The following CNTN6 variants were observed in gnomAD, a reference collection of about 807,000 sequenced individuals.
CNTN6 encodes the protein contactin 6, also known as contactin-6.
In CNTN6, 137 loss-of-function variants were observed where a neutral mutation model predicts 122.8. The observed-to-expected ratio is 1.12, with a 90% CI of 0.97 to 1.29. CNTN6 has a LOEUF of 1.29. Among genes scored for constraint, CNTN6 ranks in the 50% most tolerant of loss-of-function variants. The pLI is 0.00. For missense variants in CNTN6, 1,634 were observed against 1,223.4 expected, an observed-to-expected ratio of 1.34 and a Z score of -5.01; for synonymous variants, 570 against 426.0, an observed-to-expected ratio of 1.34 and a Z score of -4.16.
chr3:1,293,342 G>A (rs1189900937), intron 5 of CNTN6, among the ~76,000 whole-genome samples: 6 of 151,138 alleles, frequency 4.0e-5, no homozygotes, highest in Admixed American at 1.3e-4. Context: ...CTCGATGGAA[G>A]GGATGACAAA....
rs370787423 is a variant in CNTN6 at position 1,185,567 on chromosome 3, A to G, written c.56-35120A>G. Among the ~76,000 whole-genome samples the G allele has an allele frequency of 1.1e-4, 16 of 152,296 alleles. No homozygotes were observed. In the East Asian group the frequency reaches 2.5e-3, roughly 24 times the overall value. ...ATGTGCTAATCTATGTGACCTTGGC[A>G]TGTAGTCAGCATCTGTTAATAGATT... On this transcript the variant is annotated intron_variant, in intron 2 of 22. Transcript: ENST00000446702.
intron 2 of CNTN6, among the ~76,000 whole-genome samples, chr3:1,178,934 C>G (rs1030511439): frequency 1.3e-5 from 2 of 152,106 alleles, no homozygotes; most frequent in Non-Finnish European, 2.9e-5. Flanking sequence ...GCATTGCATT[C>G]CTATGTAAAA....
chr3:1,307,077 A>T (rs938763568), intron 7 of CNTN6, among the ~76,000 whole-genome samples: 18 of 152,130 alleles, frequency 1.2e-4, no homozygotes, highest in Admixed American at 1.3e-4. Flanking sequence ...GCCCTGGGAG[A>T]TAAAGAAGAT....
At chr3:1,297,537 T>C (rs1002202821) in intron 6 of CNTN6, among the ~76,000 whole-genome samples, 1 of 152,178 alleles carries the variant, frequency 6.6e-6, no homozygotes, top group African/African-American at 2.4e-5. Flanking sequence ...GTGATGCCTT[T>C]ATATGTTCTG....
intron 1 of CNTN6, among the ~76,000 whole-genome samples, chr3:1,124,554 G>C (rs2092087064): frequency 6.6e-6 from 1 of 151,774 alleles, no homozygotes; most frequent in African/African-American, 2.4e-5. Context: ...GATTGGGAGG[G>C]ACCTGAGAGA....
chr3:1,240,442 T>C (rs954790561), intron 4 of CNTN6, among the ~76,000 whole-genome samples: 2 of 152,072 alleles, frequency 1.3e-5, no homozygotes, highest in African/African-American at 4.8e-5. Flanking sequence ...TTGCCAATTA[T>C]CAGAAAAATG....
chr3:1,140,212 T>G (rs966347572), intron 1 of CNTN6, among the ~76,000 whole-genome samples: 2 of 152,200 alleles, frequency 1.3e-5, no homozygotes, highest in Non-Finnish European at 2.9e-5. Context: ...CTCATCCACA[T>G]TCTTGTATTC....
Position 1,227,877 on chromosome 3 carries a change from G to A in CNTN6, c.242G>A (p.Gly81Glu). 2 of 1,614,016 alleles carry A rather than the reference G, an allele frequency of 1.2e-6. No homozygotes were observed. The highest frequency in any genetic ancestry group is 2.2e-5 in the East Asian group (1 of 44,866). Reference sequence around the variant, plus strand: ...ATGAGTTATCACTACAGGTTGGATGGAGGCAGTCTTGCAATCAATAGCCCC... The same window carrying A: ...ATGAGTTATCACTACAGGTTGGATGAAGGCAGTCTTGCAATCAATAGCCCC... ...FTMSYHYRLD[G>E]GSLAINSPHT... The change falls in exon 4 of 23, where the codon GGA becomes GAA. Residue 81 changes from glycine to glutamate, a missense_variant. Physicochemically the swap from Gly to Glu is moderately conservative, Grantham distance 98. Transcript: ENST00000446702.
intron 3 of CNTN6, among the ~76,000 whole-genome samples, chr3:1,226,738 T>G (rs558665446): frequency 2.0e-4 from 30 of 152,284 alleles, no homozygotes; most frequent in African/African-American, 7.2e-4. Flanking sequence ...TTTCATGTCA[T>G]GGAATATTTA....
intron 7 of CNTN6, 124 bp from the exon 8 acceptor site, chr3:1,321,526 T>C (rs1317816650): frequency 1.7e-5 from 14 of 838,916 alleles, no homozygotes; most frequent in Non-Finnish European, 2.0e-5. Context: ...ATCTGAAAAC[T>C]AGTCATAATA....
chr3:1,192,765 T>C (rs2093721219), intron 2 of CNTN6, among the ~76,000 whole-genome samples: 1 of 152,116 alleles, frequency 6.6e-6, no homozygotes. Context: ...CAGAAAGCCT[T>C]AAAACTGCCC....
chr3:1,271,287 C>T (rs1269841471), intron 4 of CNTN6, among the ~76,000 whole-genome samples: 2 of 152,212 alleles, frequency 1.3e-5, no homozygotes, highest in African/African-American at 4.8e-5. Flanking sequence ...GAGAGCTGAA[C>T]ATCTTGGCAG....
Position 1,390,117 on chromosome 3 carries a change from GCACCA to G in CNTN6, c.2704+4330_2704+4334del, listed in dbSNP as rs1324241306. ...ATCAACAGAATATAGATTTTTTTCA[GCACCA>G]CACCACACCTATTCCAAAATTGACC... On this transcript the variant is annotated intron_variant, in intron 20 of 22. Transcript: ENST00000446702. Among the ~76,000 whole-genome samples the G allele has an allele frequency of 3.3e-5, 5 of 150,774 alleles. No homozygotes were observed. The East Asian group carries it at 9.7e-4, about 29-fold the overall frequency.
chr3:1,298,871 G>C (rs1314432703), intron 7 of CNTN6, among the ~76,000 whole-genome samples: 1 of 152,102 alleles, frequency 6.6e-6, no homozygotes, highest in Non-Finnish European at 1.5e-5. Flanking sequence ...TCAGAGGTAA[G>C]CTCGGAGGGC....
chr3:1,289,305 G>T (rs947035765), intron 5 of CNTN6, among the ~76,000 whole-genome samples: 3 of 152,138 alleles, frequency 2.0e-5, no homozygotes, highest in African/African-American at 7.2e-5. Context: ...GCCAGCCCAT[G>T]GGGAGAAGGG....
rs200761327 is a variant in CNTN6, at chr3:1,273,144, A to G, written c.359-5269A>G. On this transcript the variant is annotated intron_variant, in intron 4 of 22. Coordinates refer to ENST00000446702, the MANE Select transcript of CNTN6 (RefSeq NM_001289080.2). ...GACATGATAAGCCATGGCCATCAGAATGGCTTAATGAGAGCAACCTCAACA... is the reference window on the plus strand; with the variant it reads ...GACATGATAAGCCATGGCCATCAGAGTGGCTTAATGAGAGCAACCTCAACA... Among the ~76,000 whole-genome samples the G allele has an allele frequency of 3.3e-5, 5 of 152,336 alleles. No individual in the cohort carries two copies. The East Asian group carries it at 9.7e-4, about 29-fold the overall frequency.
At chr3:1,374,929 G>A (rs938129761) in intron 16 of CNTN6, among the ~76,000 whole-genome samples, 1 of 152,014 alleles carries the variant, frequency 6.6e-6, no homozygotes, top group African/African-American at 2.4e-5. Context: ...ATTAAATCAC[G>A]CTAGAAGCTT....
intron 1 of CNTN6, among the ~76,000 whole-genome samples, chr3:1,117,887 G>T (rs2091789722): frequency 6.6e-6 from 1 of 152,156 alleles, no homozygotes; most frequent in African/African-American, 2.4e-5. Context: ...GGTCTACAGA[G>T]AAACTGAGCT....
chr3:1,191,543 A>G (rs2093702692), intron 2 of CNTN6, among the ~76,000 whole-genome samples: 2 of 152,174 alleles, frequency 1.3e-5, no homozygotes. Context: ...ATCTCTCCCT[A>G]GGTACCTTTT....
Sources: gnomAD v4.1 joint callset for allele counts (sites outside exome capture counted in the v4.1 genomes callset) on GRCh38, gnomAD v4.1.1 for gene constraint, MANE v1.5 for transcripts, NCBI Gene and HGNC (gene_info 2026-07-23, HGNC 2026-07-21) for gene names.